The following BMX variants were observed in gnomAD, a reference collection of about 807,000 sequenced individuals.
BMX encodes cytoplasmic tyrosine-protein kinase BMX.
A neutral mutation model predicts 59.2 loss-of-function variants in BMX; 31 were observed. That is an observed-to-expected ratio of 0.52 (90% CI 0.39 to 0.71). BMX has a LOEUF of 0.71. Ranked by LOEUF, BMX falls within the 30% of genes least tolerant of loss-of-function variation. BMX has a pLI of 0.00. For missense variants in BMX, 474 were observed against 491.7 expected, an observed-to-expected ratio of 0.96 and a Z score of 0.34; for synonymous variants, 185 against 181.0, an observed-to-expected ratio of 1.02 and a Z score of -0.18.
At chrX:15,555,524 T>C (rs1416447753) in intron 18 of BMX, among the ~76,000 whole-genome samples, 1 of 111,328 alleles carries the variant, frequency 9.0e-6, no homozygotes, top group Non-Finnish European at 1.9e-5. Context: ...TGCTTTTTTA[T>C]ATAGTCAAGT....
In BMX at chrX:15,530,010, C is replaced by G. The variant is rs1924987138; in HGVS notation, c.922C>G (p.Gln308Glu). ...TAACATCTCCAGATCACAATCTGAACAGTTACTCAGACAAAAGGTAAATAG... is the reference window on the plus strand; with the variant it reads ...TAACATCTCCAGATCACAATCTGAAGAGTTACTCAGACAAAAGGTAAATAG... ...AGNISRSQSEQLLRQKGKEGA... is the reference protein window; with the variant it reads ...AGNISRSQSEELLRQKGKEGA... The change falls in exon 10 of 19, where the codon CAG becomes GAG. Residue 308 changes from glutamine (Q) to glutamate (E), a missense_variant. Physicochemically the swap from Gln to Glu is conservative, Grantham distance 29. Coordinates refer to ENST00000348343, the MANE Select transcript of BMX (RefSeq NM_203281.3). 8.3e-7 allele frequency: 1 copy of G among 1,206,693 alleles called. No homozygotes were observed. The highest frequency in any genetic ancestry group is 1.1e-6 in the Non-Finnish European group (1 of 892,773).
chrX:15,505,114 T>C (rs1030533095), intron 1 of BMX, among the ~76,000 whole-genome samples: 1 of 112,205 alleles, frequency 8.9e-6, no homozygotes, highest in Non-Finnish European at 1.9e-5. Flanking sequence ...TTTCTAAAAA[T>C]TAATCATCAG....
intron 18 of BMX, 124 bp downstream of exon 18, chrX:15,550,121 C>A: frequency 1.2e-6 from 1 of 827,412 alleles, no homozygotes; most frequent in South Asian, 3.7e-5. Context: ...GAGAATGGTC[C>A]TCAGCCCCTG....
intron 17 of BMX, among the ~76,000 whole-genome samples, chrX:15,548,531 A>C (rs1318362209): frequency 8.9e-6 from 1 of 112,112 alleles, no homozygotes; most frequent in Non-Finnish European, 1.9e-5. Flanking sequence ...CTAATTTAAT[A>C]ATTACAGCTT....
rs1923616789 is a variant in BMX at position 15,502,863 on chromosome X, T to C, written c.-10+1923T>C. On this transcript the variant is annotated intron_variant, in intron 1 of 18. Transcript: ENST00000348343. ...TTGGACAAATATTTGAAGATCAAGT[T>C]TGTCACAGGGCCCTCCAGTTTCCCT... 5.4e-5 allele frequency among the ~76,000 whole-genome samples: 6 copies of C among 111,725 alleles called. No individual in the cohort carries two copies. In the South Asian group the frequency reaches 2.3e-3, roughly 42 times the overall value.
Position 15,518,024 on chromosome X carries a change from G to C in BMX, c.510+31G>C, listed in dbSNP as rs781377044. On this transcript the variant is annotated intron_variant, in intron 6 of 18. Coordinates refer to ENST00000348343, the MANE Select transcript of BMX (RefSeq NM_203281.3). ...TCAACATTTTAAAAATGTTTTTCAT[G>C]GTCAGGATATATTAAATAAACCAAG... The C allele has an allele frequency of 3.5e-6, 4 of 1,130,597 alleles. No individual in the cohort carries two copies. The South Asian group carries it at 7.6e-5, about 22-fold the overall frequency. 93.2% of individuals were successfully genotyped at this position (1,130,597 alleles called of 1,213,427 possible).
chrX:15,524,386 A>T (rs1240732487), intron 7 of BMX, among the ~76,000 whole-genome samples: 25 of 112,398 alleles, frequency 2.2e-4, no homozygotes, highest in Non-Finnish European at 3.9e-4. Flanking sequence ...ATTATTTTTG[A>T]GCATACAGTT....
At chrX:15,553,401 T>C (rs1926287031) in intron 18 of BMX, among the ~76,000 whole-genome samples, 1 of 111,938 alleles carries the variant, frequency 8.9e-6, no homozygotes, top group African/African-American at 3.3e-5. Context: ...GTTTCGCTAT[T>C]TGTCCTTACA....
Position 15,525,312 on chromosome X carries a change from A to C in BMX, c.777A>C (p.Ala259=). The change falls in exon 8 of 19, where the codon GCA becomes GCC. Residue 259 remains alanine (A), a synonymous_variant. Coordinates refer to ENST00000348343, the MANE Select transcript of BMX (RefSeq NM_203281.3). ...GTAGCAGCAGCAGTGAAGATGTTGC[A>C]AGCAGTAACCAAAAAGAAAGAAATG... ...LKSSSSSEDV[A]SSNQKERNVN... is the part of the protein sequence containing the mutation. 8.3e-7 allele frequency: 1 copy of C among 1,210,654 alleles called. No homozygotes were observed. The highest frequency in any genetic ancestry group is 1.1e-6 in the Non-Finnish European group (1 of 894,665).
At chrX:15,552,418 T>C (rs1217083623) in intron 18 of BMX, among the ~76,000 whole-genome samples, 1 of 112,216 alleles carries the variant, frequency 8.9e-6, no homozygotes. Flanking sequence ...ACCACACTTT[T>C]GAATAATGTT....
At chrX:15,536,982 AG>A (rs1202054685) in intron 13 of BMX, 151 bp from the exon 14 acceptor site, 2 of 610,738 alleles carry the variant, frequency 3.3e-6, no homozygotes, top group African/African-American at 4.6e-5. Context: ...CACATCACTA[AG>A]GGTTTTTTTT....
intron 1 of BMX, chrX:15,507,183 G>C (rs1464605460): frequency 5.5e-6 from 1 of 182,845 alleles, no homozygotes; most frequent in Non-Finnish European, 8.5e-6. Context: ...CTAGTGATTG[G>C]ATGGGTTCGC....
rs878928776 is a variant in BMX at position 15,508,407 on chromosome X, G to A, written c.54G>A (p.Lys18=). 8.5e-7 allele frequency: 1 copy of A among 1,179,919 alleles called. No individual in the cohort carries two copies. The highest frequency in any genetic ancestry group is 1.9e-5 in the South Asian group (1 of 53,330). ...EELLLKRSQQ[K]KKMSPNNYKE... is the part of the protein sequence containing the mutation. ...TTCTTCTCAAAAGATCACAGCAAAA[G>A]AAGAAAATGTCACCAAATAATTACA... The change falls in exon 2 of 19, where the codon AAG becomes AAA. Residue 18 remains lysine (K), a synonymous_variant. Coordinates refer to ENST00000348343, the MANE Select transcript of BMX (RefSeq NM_203281.3).
intron 18 of BMX, 48 bp from the exon 19 acceptor site, chrX:15,556,025 A>C (rs1249820993): frequency 9.2e-7 from 1 of 1,087,466 alleles, no homozygotes; most frequent in Non-Finnish European, 1.3e-6. Flanking sequence ...ATCATTGATC[A>C]TAACTCTCAT....
intron 1 of BMX, among the ~76,000 whole-genome samples, chrX:15,503,912 G>GT (rs1923652140): frequency 1.8e-5 from 2 of 111,939 alleles, no homozygotes; most frequent in Admixed American, 1.9e-4. Flanking sequence ...TGGGCTGGGA[G>GT]TATCACAAAA....
chrX:15,524,137 A>G (rs751227754), intron 7 of BMX, among the ~76,000 whole-genome samples: 9 of 112,040 alleles, frequency 8.0e-5, no homozygotes, highest in Non-Finnish European at 1.5e-4. Flanking sequence ...CCCCCATTAA[A>G]TCATTCAAAT....
chrX:15,547,443 G>A (rs1160145906), intron 17 of BMX, among the ~76,000 whole-genome samples: 1 of 112,352 alleles, frequency 8.9e-6, no homozygotes, highest in Admixed American at 9.4e-5. Context: ...CACCACACAT[G>A]ACTTGGTACT....
At chrX:15,512,726 A>G (rs1924009262) in intron 4 of BMX, among the ~76,000 whole-genome samples, 1 of 112,445 alleles carries the variant, frequency 8.9e-6, no homozygotes, top group Non-Finnish European at 1.9e-5. Context: ...TAGAGCAGTC[A>G]CGAGCCACAG....
In BMX at chrX:15,537,213, C is replaced by A. The variant is rs1054072177; in HGVS notation, c.1302C>A (p.Gly434=). 4 of 1,210,146 alleles carry A rather than the reference C, an allele frequency of 3.3e-6. No homozygotes were observed. Among genetic ancestry groups the A allele is most frequent in the Non-Finnish European group, 4.5e-6 (4 of 894,932 alleles). Residue 434 remains glycine (G), a synonymous_variant, in exon 14 of 19, where the codon GGC becomes GGA. Coordinates refer to ENST00000348343, the MANE Select transcript of BMX (RefSeq NM_203281.3). The part of the protein sequence containing the change: ...GSGQFGVVQL[G]KWKGQYDVAV... ...GCCAGTTTGGAGTGGTCCAGCTGGG[C>A]AAGTGGAAGGGGCAGTATGATGTTG...
Sources: allele counts gnomAD v4.1 joint callset (sites outside exome capture counted in the v4.1 genomes callset), GRCh38; gene constraint gnomAD v4.1.1; transcripts MANE v1.5; gene names NCBI Gene and HGNC (gene_info 2026-07-23, HGNC 2026-07-21).